The following SCCPDH variants were observed in gnomAD, a reference collection of about 807,000 sequenced individuals.
The protein encoded by SCCPDH is saccharopine dehydrogenase-like oxidoreductase.
A neutral mutation model predicts 51.5 loss-of-function variants in SCCPDH; 34 were observed. The ratio of observed to expected loss-of-function variants is 0.66; its 90% CI spans 0.50 to 0.88. The LOEUF (loss-of-function observed/expected upper bound fraction) is 0.88, where lower values mean the gene tolerates loss of function less well. Among genes scored for constraint, SCCPDH ranks in the 40% least tolerant of loss-of-function variants. The probability of loss-of-function intolerance (pLI) is 0.00; values close to 1 mark genes in which losing one functional copy is unlikely to be tolerated. For missense variants in SCCPDH, 464 were observed against 527.1 expected, an observed-to-expected ratio of 0.88 and a Z score of 1.17; for synonymous variants, 187 against 191.3, an observed-to-expected ratio of 0.98 and a Z score of 0.19.
chr1:246,747,375 A>G (rs1204421614), intron 5 of SCCPDH, among the ~76,000 whole-genome samples: 1 of 152,162 alleles, frequency 6.6e-6, no homozygotes, highest in Non-Finnish European at 1.5e-5. Flanking sequence ...AGAAAATCTG[A>G]GACAGGTTTC....
At chr1:246,728,664 C>T (rs1343749161) in intron 2 of SCCPDH, among the ~76,000 whole-genome samples, 1 of 152,118 alleles carries the variant, frequency 6.6e-6, no homozygotes, top group Non-Finnish European at 1.5e-5. Flanking sequence ...TTTCCTTGTT[C>T]TTATCTGATT....
chr1:246,735,923 C>T (rs1668560015), intron 2 of SCCPDH, 52 bp from the exon 3 acceptor site: 8 of 1,161,424 alleles, frequency 6.9e-6, no homozygotes, highest in Non-Finnish European at 9.0e-6. Flanking sequence ...GCATTTTATT[C>T]ATTTAAACTT....
At chr1:246,730,879 T>A (rs1176977456) in intron 2 of SCCPDH, among the ~76,000 whole-genome samples, 1 of 151,980 alleles carries the variant, frequency 6.6e-6, no homozygotes, top group Non-Finnish European at 1.5e-5. Flanking sequence ...GCCAACATGG[T>A]GAAACCCTGT....
chr1:246,726,249 T>A (rs1168893509), intron 1 of SCCPDH, among the ~76,000 whole-genome samples: 1 of 152,142 alleles, frequency 6.6e-6, no homozygotes, highest in Non-Finnish European at 1.5e-5. Context: ...GAAACTTTAT[T>A]TTTTTAAAGA....
intron 5 of SCCPDH, among the ~76,000 whole-genome samples, chr1:246,748,115 C>T (rs1668789761): frequency 6.6e-6 from 1 of 152,000 alleles, no homozygotes; most frequent in Non-Finnish European, 1.5e-5. Flanking sequence ...TCGACTTTAT[C>T]CTCTAAAAGA....
chr1:246,756,724 C>G (rs764093615), intron 5 of SCCPDH, among the ~76,000 whole-genome samples: 1 of 152,064 alleles, frequency 6.6e-6, no homozygotes, highest in Non-Finnish European at 1.5e-5. Context: ...TAAATCTGTA[C>G]CAGAATGAAA....
intron 9 of SCCPDH, among the ~76,000 whole-genome samples, chr1:246,761,366 C>T (rs4926447): frequency 0.015 from 2,236 of 152,308 alleles, 158 homozygotes; most frequent in Admixed American, 0.11. Flanking sequence ...TGAGCCACTG[C>T]GCCCGGCCTC....
intron 5 of SCCPDH, among the ~76,000 whole-genome samples, chr1:246,757,365 A>AAAG (rs397940995): frequency 1.3e-5 from 2 of 149,406 alleles, no homozygotes; most frequent in African/African-American, 2.5e-5. Flanking sequence ...AAAAAAAAAA[A>AAAG]GGGCCAGCGC....
intron 4 of SCCPDH, among the ~76,000 whole-genome samples, chr1:246,740,684 TG>T (rs1245899629): frequency 4.6e-5 from 7 of 152,216 alleles, no homozygotes; most frequent in African/African-American, 1.7e-4. Flanking sequence ...TAGAAAGTAT[TG>T]AACACAGAAT....
chr1:246,750,756 G>T (rs976730715), intron 5 of SCCPDH, among the ~76,000 whole-genome samples: 5 of 152,220 alleles, frequency 3.3e-5, no homozygotes, highest in Non-Finnish European at 7.3e-5. Context: ...CGAGTAAGGT[G>T]ATCTATTATT....
At chr1:246,727,069 G>A in intron 2 of SCCPDH, 65 bp downstream of exon 2, 1 of 1,255,294 alleles carries the variant, frequency 8.0e-7, no homozygotes, top group Non-Finnish European at 1.2e-6. Flanking sequence ...AAATATTCCA[G>A]AGGAACATAA....
intron 2 of SCCPDH, among the ~76,000 whole-genome samples, chr1:246,730,786 C>T (rs766223810): frequency 3.9e-5 from 6 of 152,110 alleles, no homozygotes; most frequent in East Asian, 1.9e-4. Flanking sequence ...GGGCCAGGCG[C>T]GGTGGGTCAT....
At chr1:246,736,970 T>C (rs1399707954) in intron 3 of SCCPDH, among the ~76,000 whole-genome samples, 2 of 152,158 alleles carry the variant, frequency 1.3e-5, no homozygotes, top group African/African-American at 4.8e-5. Flanking sequence ...GTAATGCACC[T>C]AGTAATGCAC....
intron 5 of SCCPDH, among the ~76,000 whole-genome samples, chr1:246,746,095 G>A (rs544154962): frequency 2.4e-5 from 3 of 125,348 alleles, no homozygotes; most frequent in African/African-American, 3.4e-5. Context: ...GCGACAGAGC[G>A]AGACTCCATC....
At chr1:246,731,550 G>A (rs902639268) in intron 2 of SCCPDH, among the ~76,000 whole-genome samples, 3 of 152,200 alleles carry the variant, frequency 2.0e-5, no homozygotes, top group Non-Finnish European at 4.4e-5. Flanking sequence ...CCAGGTAGTG[G>A]AAGCAAGCAC....
intron 6 of SCCPDH, among the ~76,000 whole-genome samples, 192 bp from the exon 7 acceptor site, chr1:246,758,842 C>T (rs373054701): frequency 1.7e-4 from 26 of 151,434 alleles, no homozygotes; most frequent in African/African-American, 5.1e-4. Flanking sequence ...TCTTTTGAGA[C>T]AGAGTCTCTC....
At chr1:246,752,539 T>C (rs1311046070) in intron 5 of SCCPDH, among the ~76,000 whole-genome samples, 6 of 152,232 alleles carry the variant, frequency 3.9e-5, no homozygotes, top group Non-Finnish European at 7.3e-5. Context: ...CAATTATCAA[T>C]TGTAGGTTTT....
intron 2 of SCCPDH, among the ~76,000 whole-genome samples, chr1:246,731,057 G>T (rs1668483674): frequency 6.6e-6 from 1 of 152,082 alleles, no homozygotes; most frequent in Non-Finnish European, 1.5e-5. Flanking sequence ...TGAAACTCCA[G>T]CTCAAAAAGA....
At chr1:246,748,642 A>G (rs1396440554) in intron 5 of SCCPDH, among the ~76,000 whole-genome samples, 1 of 152,226 alleles carries the variant, frequency 6.6e-6, no homozygotes. Flanking sequence ...GTCACCTGTA[A>G]AAATATTGAC....
Sources: gnomAD v4.1 joint callset for allele counts (sites outside exome capture counted in the v4.1 genomes callset) on GRCh38, gnomAD v4.1.1 for gene constraint, MANE v1.5 for transcripts, NCBI Gene and HGNC (gene_info 2026-07-23, HGNC 2026-07-21) for gene names.